The following CDH12 variants were observed in gnomAD, a reference collection of about 807,000 sequenced individuals.
The protein encoded by CDH12 is cadherin-12.
CDH12 carries 41 observed loss-of-function variants against 74.1 expected under a neutral mutation model. That is an observed-to-expected ratio of 0.55 (90% CI 0.43 to 0.72). The LOEUF is 0.72. CDH12 is among the 30% of genes least tolerant of loss of function. The pLI is 0.00. For missense variants in CDH12, 945 were observed against 977.2 expected, an observed-to-expected ratio of 0.97 and a Z score of 0.44; for synonymous variants, 399 against 355.0, an observed-to-expected ratio of 1.12 and a Z score of -1.39.
At chr5:21,874,461 A>T (rs1054037366) in intron 6 of CDH12, among the ~76,000 whole-genome samples, 1 of 152,200 alleles carries the variant, frequency 6.6e-6, no homozygotes, top group Non-Finnish European at 1.5e-5. Flanking sequence ...TAAAATGCGA[A>T]TTAGGCAAAA....
At chr5:22,371,408 C>T (rs1332566654) in intron 3 of CDH12, among the ~76,000 whole-genome samples, 1 of 151,988 alleles carries the variant, frequency 6.6e-6, no homozygotes, top group Non-Finnish European at 1.5e-5. Flanking sequence ...TTTAAATACA[C>T]AAAGTGAAAA....
chr5:22,034,051 T>G (rs1429745456), intron 5 of CDH12, among the ~76,000 whole-genome samples: 4 of 152,200 alleles, frequency 2.6e-5, no homozygotes, highest in Non-Finnish European at 2.9e-5. Flanking sequence ...TTTGGTTTTG[T>G]TTTTGTTTTT....
intron 3 of CDH12, among the ~76,000 whole-genome samples, chr5:22,261,071 G>GTA (rs1251807405): frequency 1.1e-4 from 16 of 143,706 alleles, no homozygotes; most frequent in East Asian, 4.1e-4. Context: ...GTGTGTGTGT[G>GTA]TGTATATACA....
chr5:22,623,473 A>C (rs530254522), intron 1 of CDH12, among the ~76,000 whole-genome samples: 30 of 152,358 alleles, frequency 2.0e-4, no homozygotes, highest in African/African-American at 6.7e-4. Flanking sequence ...AAGTCTCAGG[A>C]TAGAAAATCA....
chr5:22,789,767 T>G (rs899322424), intron 1 of CDH12, among the ~76,000 whole-genome samples: 1 of 151,944 alleles, frequency 6.6e-6, no homozygotes, highest in Admixed American at 6.6e-5. Context: ...GGAAGTTTGG[T>G]TGGTTCAGTA....
At chr5:22,243,168 A>C (rs925033435) in intron 3 of CDH12, among the ~76,000 whole-genome samples, 1 of 152,190 alleles carries the variant, frequency 6.6e-6, no homozygotes, top group African/African-American at 2.4e-5. Flanking sequence ...GGAACCATGA[A>C]TAGCTAAGAA....
intron 5 of CDH12, among the ~76,000 whole-genome samples, chr5:22,006,958 A>G (rs1737000569): frequency 6.6e-6 from 1 of 152,148 alleles, no homozygotes; most frequent in Non-Finnish European, 1.5e-5. Flanking sequence ...ATATTGGCCT[A>G]TGAATCATAA....
chr5:22,754,219 T>C (rs1745758209), intron 1 of CDH12, among the ~76,000 whole-genome samples: 1 of 152,208 alleles, frequency 6.6e-6, no homozygotes, highest in African/African-American at 2.4e-5. Flanking sequence ...TTTTAAAAAT[T>C]TGACTACAAA....
chr5:22,188,732 A>G (rs1371082245), intron 4 of CDH12, among the ~76,000 whole-genome samples: 2 of 152,268 alleles, frequency 1.3e-5, no homozygotes, highest in East Asian at 3.9e-4. Context: ...ATTATCCTCA[A>G]TTAAAACTCT....
chr5:22,041,172 C>T (rs1230988522), intron 5 of CDH12, among the ~76,000 whole-genome samples: 2 of 151,720 alleles, frequency 1.3e-5, no homozygotes, highest in Non-Finnish European at 2.9e-5. Flanking sequence ...AACCACAAAA[C>T]ACAAATATAT....
intron 3 of CDH12, among the ~76,000 whole-genome samples, chr5:22,395,801 A>C (rs1742432929): frequency 6.6e-6 from 1 of 152,102 alleles, no homozygotes; most frequent in South Asian, 2.1e-4. Context: ...AATGTTGTAA[A>C]TAAAGAAGAG....
chr5:22,018,663 A>AAAAT (rs1737764123), intron 5 of CDH12, among the ~76,000 whole-genome samples: 1 of 152,230 alleles, frequency 6.6e-6, no homozygotes, highest in Non-Finnish European at 1.5e-5. Context: ...ACATTGTTTT[A>AAAAT]AAATATCTTT....
intron 7 of CDH12, among the ~76,000 whole-genome samples, chr5:21,848,742 A>C (rs1447453765): frequency 6.6e-6 from 1 of 151,924 alleles, no homozygotes; most frequent in Non-Finnish European, 1.5e-5. Flanking sequence ...TAACTCTCCT[A>C]TAGGACTTAT....
intron 1 of CDH12, among the ~76,000 whole-genome samples, chr5:22,612,873 T>C (rs1047344362): frequency 3.9e-5 from 6 of 152,128 alleles, no homozygotes; most frequent in Non-Finnish European, 8.8e-5. Context: ...AAAGATTGTA[T>C]TTAAAGGATT....
At chr5:22,286,846 G>A (rs942317924) in intron 3 of CDH12, among the ~76,000 whole-genome samples, 3 of 152,134 alleles carry the variant, frequency 2.0e-5, no homozygotes, top group African/African-American at 7.2e-5. Context: ...GTTTATATAT[G>A]TGTTGAATTT....
At chr5:22,429,126 T>A (rs1416515528) in intron 2 of CDH12, among the ~76,000 whole-genome samples, 31 of 151,472 alleles carry the variant, frequency 2.0e-4, no homozygotes, top group East Asian at 9.7e-4. Flanking sequence ...TTTATTTTAT[T>A]TTATTTTATT....
intron 1 of CDH12, among the ~76,000 whole-genome samples, chr5:22,798,995 T>C (rs1201791582): frequency 6.6e-6 from 1 of 152,050 alleles, no homozygotes; most frequent in African/African-American, 2.4e-5. Flanking sequence ...TGCATACCTG[T>C]GGTTTCAGGT....
At chr5:22,190,163 T>C (rs1750187093) in intron 4 of CDH12, among the ~76,000 whole-genome samples, 1 of 152,246 alleles carries the variant, frequency 6.6e-6, no homozygotes, top group African/African-American at 2.4e-5. Context: ...CACTGGCTTA[T>C]ACCTAATTCA....
intron 6 of CDH12, among the ~76,000 whole-genome samples, chr5:21,910,674 A>G (rs1018093777): frequency 1.3e-5 from 1 of 76,092 alleles, no homozygotes; most frequent in Non-Finnish European, 3.4e-5. Context: ...GGTAGGATTT[A>G]TCTTTTTTTT....
Sources: allele counts gnomAD v4.1 joint callset (sites outside exome capture counted in the v4.1 genomes callset), GRCh38; gene constraint gnomAD v4.1.1; transcripts MANE v1.5; gene names NCBI Gene and HGNC (gene_info 2026-07-23, HGNC 2026-07-21).